SIRT3: variants seen among roughly 807,000 people sequenced by gnomAD.
SIRT3 encodes sirtuin 3.
Under a neutral mutation model 33.5 loss-of-function variants are expected in SIRT3, and 26 were observed. The ratio of observed to expected loss-of-function variants is 0.78; its 90% CI spans 0.57 to 1.08. SIRT3 has a LOEUF of 1.08. Among genes scored for constraint, SIRT3 ranks in the 50% least tolerant of loss-of-function variants. SIRT3 has a pLI of 0.00. For synonymous variants in SIRT3, 237 were observed against 222.1 expected, an observed-to-expected ratio of 1.07 and a Z score of -0.60; for missense variants, 585 against 530.1, an observed-to-expected ratio of 1.10 and a Z score of -1.02.
At position 218,918 on chromosome 11, in the gene SIRT3, C is replaced by T. The variant is rs749317858; in HGVS notation, c.1093G>A (p.Asp365Asn). Residue 365 changes from aspartate to asparagine, a missense_variant, in exon 6 of 7, where the codon GAC (aspartate) becomes AAC (asparagine). Asp to Asn is a conservative substitution (Grantham distance 23). Coordinates refer to ENST00000382743, the MANE Select transcript of SIRT3 (RefSeq NM_012239.6). Reference sequence around the variant, plus strand: ...AGGCTTTCCACGCCGTGAACCACGTCCCCCAGCTGGGCCACGTCCCTGCTG... The same window carrying T: ...AGGCTTTCCACGCCGTGAACCACGTTCCCCAGCTGGGCCACGTCCCTGCTG... ...PRSRDVAQLG[D>N]VVHGVESLVE... The T allele has an allele frequency of 1.2e-6, 2 of 1,614,190 alleles. No homozygotes were observed. Among genetic ancestry groups the T allele is most frequent in the Non-Finnish European group, 1.7e-6 (2 of 1,180,034 alleles).
Position 233,006 on chromosome 11 carries a change from T to C in SIRT3, c.683A>G (p.Gln228Arg). The change falls in exon 3 of 7, where the codon CAG (glutamine) becomes CGG (arginine). Residue 228 changes from glutamine (Q) to arginine (R), a missense_variant. Physicochemically the swap from Gln to Arg is conservative, Grantham distance 43. Transcript: ENST00000382743. ...DKGLLLRLYT[Q>R]NIDGLERVSG... ...ACCTCTCTCAAGCCCATCGATGTTC[T>C]GCGTGTAGAGCCGCAGAAGCAGCCC... 1 of 1,614,174 alleles carries C rather than the reference T, an allele frequency of 6.2e-7. No homozygotes were observed. Among genetic ancestry groups the C allele is most frequent in the Non-Finnish European group, 8.5e-7 (1 of 1,180,024 alleles).
At chr11:218,797 C>G in intron 6 of SIRT3, 35 bp downstream of exon 6, 2 of 1,614,014 alleles carry the variant, frequency 1.2e-6, no homozygotes, top group Non-Finnish European at 1.7e-6. Flanking sequence ...GTGAGAAGGG[C>G]AGCCCCTTGG....
chr11:227,429 C>A (rs1857329861), intron 4 of SIRT3, among the ~76,000 whole-genome samples: 3 of 150,714 alleles, frequency 2.0e-5, no homozygotes, highest in Non-Finnish European at 4.4e-5. Flanking sequence ...CAGAGCAAGA[C>A]TCTATCTCAA....
rs1323950591 is a variant in SIRT3 at position 236,258 on chromosome 11, G to A, written c.71C>T (p.Ala24Val). The change falls in exon 1 of 7, where the codon GCC becomes GTC. Residue 24 changes from alanine to valine, a missense_variant. Ala to Val is a moderately conservative substitution (Grantham distance 64, BLOSUM62 0). Transcript: ENST00000382743. Reference sequence around the variant, plus strand: ...CTGAAACGGCCCCACGCCTCCCCCGGCCTCGACCCGTTCAACTACCCGGCC... The same window carrying A: ...CTGAAACGGCCCCACGCCTCCCCCGACCTCGACCCGTTCAACTACCCGGCC... ...LWGRVVERVEAGGGVGPFQAC... is the reference protein window; with the variant it reads ...LWGRVVERVEVGGGVGPFQAC... 6.5e-7 allele frequency: 1 copy of A among 1,544,292 alleles called. No homozygotes were observed. Among genetic ancestry groups the A allele is most frequent in the Admixed American group, 1.9e-5 (1 of 51,924 alleles).
Position 236,059 on chromosome 11 carries a change from G to T in SIRT3, c.270C>A (p.Phe90Leu). The T allele has an allele frequency of 2.0e-6, 3 of 1,522,782 alleles. No homozygotes were observed. The highest frequency in any genetic ancestry group is 8.8e-7 in the Non-Finnish European group (1 of 1,136,354). The allele number at this position is 1,522,782 out of a possible 1,614,324, so 94.3% of individuals were successfully genotyped here. Residue 90 changes from phenylalanine to leucine, a missense_variant, in exon 1 of 7, where the codon TTC becomes TTA. Phe to Leu is a conservative substitution (Grantham distance 22). Transcript: ENST00000382743. Reference sequence around the variant, plus strand: ...CTTGCCCAAAATACCTCGAAAAGAAGAAACTGGGAGCTGCTGCCCTCGGCT... The same window carrying T: ...CTTGCCCAAAATACCTCGAAAAGAATAAACTGGGAGCTGCTGCCCTCGGCT... ...RRQPRAAAPS[F>L]FFSSIKGGRR... is the part of the protein sequence containing the mutation.
chr11:234,990 G>A (rs531463106), intron 1 of SIRT3, among the ~76,000 whole-genome samples: 20 of 151,762 alleles, frequency 1.3e-4, no homozygotes, highest in Middle Eastern at 3.4e-3. Context: ...TGATTCTCCT[G>A]CCTCCGCCTC....
In SIRT3 at chr11:230,572, G is replaced by A. The variant is rs200399065; in HGVS notation, c.707-20C>T. 7.5e-6 allele frequency: 11 copies of A among 1,475,782 alleles called. No homozygotes were observed. Among genetic ancestry groups the A allele is most frequent in the East Asian group, 2.6e-5 (1 of 38,196 alleles). The allele number at this position is 1,475,782 out of a possible 1,614,324, so 91.4% of individuals were successfully genotyped here. On this transcript the variant is annotated intron_variant, in intron 3 of 6. Transcript: ENST00000382743. Reference sequence around the variant, plus strand: ...CCGACACTGAAATTCAAGCCAAAGCGAAGTGTTGCTGCCGCCTCCGAGATG... The same window carrying A: ...CCGACACTGAAATTCAAGCCAAAGCAAAGTGTTGCTGCCGCCTCCGAGATG...
chr11:230,566 C>T lies in SIRT3; in HGVS notation c.707-14G>A, dbSNP rs202071358. The T allele has an allele frequency of 1.2e-4, 177 of 1,489,578 alleles. No individual in the cohort carries two copies. The African/African-American group carries it at 2.3e-3, about 20-fold the overall frequency. The allele number at this position is 1,489,578 out of a possible 1,614,324, so 92.3% of individuals were successfully genotyped here. The stretch of plus-strand genomic sequence containing the variant: ...GGATGCCCGACACTGAAATTCAAGC[C>T]AAAGCGAAGTGTTGCTGCCGCCTCC... On this transcript the variant is annotated splice_polypyrimidine_tract_variant and intron_variant, in intron 3 of 6. Transcript: ENST00000382743.
At chr11:230,382 T>TA in intron 4 of SIRT3, 70 bp downstream of exon 4, 1 of 892,742 alleles carries the variant, frequency 1.1e-6, no homozygotes, top group Non-Finnish European at 1.6e-6. Flanking sequence ...ACAATGCTTA[T>TA]AAAATACCAC....
chr11:225,939 A>G (rs2133873871), intron 4 of SIRT3: 1 of 152,370 alleles, frequency 6.6e-6, no homozygotes, highest in South Asian at 2.1e-4. Context: ...GAGTCACGGC[A>G]CATCTGTGCT....
intron 1 of SIRT3, among the ~76,000 whole-genome samples, chr11:235,330 G>A (rs1185934360): frequency 6.6e-6 from 1 of 150,926 alleles, no homozygotes; most frequent in African/African-American, 2.4e-5. Flanking sequence ...CTTAGTCTCA[G>A]GAGTAACTGG....
intron 4 of SIRT3, among the ~76,000 whole-genome samples, chr11:225,375 G>A (rs1857035504): frequency 6.6e-6 from 1 of 152,082 alleles, no homozygotes; most frequent in African/African-American, 2.4e-5. Context: ...TTGCACCACT[G>A]CACTCCAGCC....
In SIRT3 at chr11:223,999, G is replaced by C. The variant is rs1252373922; in HGVS notation, c.969+79C>G. 2.1e-6 allele frequency: 1 copy of C among 468,534 alleles called. No individual in the cohort carries two copies. Among genetic ancestry groups the C allele is most frequent in the Non-Finnish European group, 3.6e-6 (1 of 277,480 alleles). The allele number at this position is 468,534 out of a possible 1,614,324, so 29.0% of individuals were successfully genotyped here. A position where few individuals can be genotyped will look rare whatever the true frequency, so the allele number is the denominator to read the frequency against. On this transcript the variant is annotated intron_variant, in intron 5 of 6. Transcript: ENST00000382743. This position sits in a 1 kb window ranked among gnomAD's most constrained non-coding sequence, Gnocchi z 4.8. Reference sequence around the variant, plus strand: ...AGACTCCTCCCTGCACAGGCCTGCCGACAGCCCATGAGATGACTCCTGTAC... The same window carrying C: ...AGACTCCTCCCTGCACAGGCCTGCCCACAGCCCATGAGATGACTCCTGTAC...
chr11:224,610 G>T (rs937467322), intron 4 of SIRT3, among the ~76,000 whole-genome samples: 1 of 152,194 alleles, frequency 6.6e-6, no homozygotes, highest in African/African-American at 2.4e-5. Context: ...ACAGTAGTCT[G>T]CAGGCATTTG....
chr11:217,636 T>G (rs1280748202), intron 6 of SIRT3, among the ~76,000 whole-genome samples: 2 of 152,186 alleles, frequency 1.3e-5, no homozygotes, highest in Non-Finnish European at 2.9e-5. Context: ...AAAATCAGCC[T>G]GCAACCAGAG....
In SIRT3 at chr11:223,855, G is replaced by A. The variant is rs199770042; in HGVS notation, c.969+223C>T. Reference sequence around the variant, plus strand: ...AGCCTCCTCCCTGCACAGGCCTGCCGACAGCCCATGAGATGACTCCTGTAC... The same window carrying A: ...AGCCTCCTCCCTGCACAGGCCTGCCAACAGCCCATGAGATGACTCCTGTAC... On this transcript the variant is annotated intron_variant, in intron 5 of 6. Transcript: ENST00000382743. The surrounding 1 kb of genome is among the most constrained non-coding windows in gnomAD (Gnocchi z 4.8). 29 of 469,010 alleles carry A rather than the reference G, an allele frequency of 6.2e-5. 1 individual carries two copies. The highest frequency in any genetic ancestry group is 3.4e-4 in the East Asian group (9 of 26,350). The allele number at this position is 469,010 out of a possible 1,614,324, so 29.1% of individuals were successfully genotyped here.
chr11:217,528 G>A (rs898975937), intron 6 of SIRT3, among the ~76,000 whole-genome samples: 1 of 152,240 alleles, frequency 6.6e-6, no homozygotes, highest in Non-Finnish European at 1.5e-5. Flanking sequence ...GATCTCCGCT[G>A]CCTTGTGAGC....
rs1229126761 is a variant in SIRT3, at chr11:218,877, G to A, written c.1134C>T (p.Gly378=). ...CAAGGTCCCGCATCTCTTCTGTCCA[G>A]CCCAGAAGCTCCACTAGGCTTTCCA... is the stretch of plus-strand genomic sequence containing the variant. ...HGVESLVELL[G]WTEEMRDLVQ... Residue 378 remains glycine (G), a synonymous_variant, in exon 6 of 7, where the codon GGC becomes GGT. Coordinates refer to ENST00000382743, the MANE Select transcript of SIRT3 (RefSeq NM_012239.6). 1.9e-6 allele frequency: 3 copies of A among 1,614,012 alleles called. No homozygotes were observed.
At position 233,205 on chromosome 11, in the gene SIRT3, T is replaced by G; in HGVS notation, c.484A>C (p.Ser162Arg). The change falls in exon 3 of 7, where the codon AGT (serine) becomes CGT (arginine). Residue 162 changes from serine (S) to arginine (R), a missense_variant. By Grantham distance (110) the Ser-to-Arg change is moderately radical. Transcript: ENST00000382743. The part of the protein sequence containing the change: ...SGIPDFRSPG[S>R]GLYSNLQQYD... Reference sequence around the variant, plus strand: ...TGCTGGAGGTTGCTGTACAGGCCACTCCCCGGCGATCTGCAGGGAGAGAAG... The same window carrying G: ...TGCTGGAGGTTGCTGTACAGGCCACGCCCCGGCGATCTGCAGGGAGAGAAG... The G allele has an allele frequency of 6.2e-7, 1 of 1,612,996 alleles. No homozygotes were observed. The highest frequency in any genetic ancestry group is 8.5e-7 in the Non-Finnish European group (1 of 1,179,392).
Sources: gnomAD v4.1 joint callset for allele counts (sites outside exome capture counted in the v4.1 genomes callset) on GRCh38, gnomAD v4.1.1 for gene constraint, Gnocchi (gnomAD v3.1) non-coding constraint, MANE v1.5 for transcripts, NCBI Gene and HGNC (gene_info 2026-07-23, HGNC 2026-07-21) for gene names.